The following FRY variants were observed in gnomAD, a reference collection of about 807,000 sequenced individuals.
The protein encoded by FRY is FRY microtubule binding protein, also known as protein furry homolog.
A neutral mutation model predicts 348.4 loss-of-function variants in FRY; 128 were observed. The observed-to-expected ratio is 0.37, with a 90% CI of 0.32 to 0.43. The LOEUF (loss-of-function observed/expected upper bound fraction) is 0.43. Ranked by LOEUF, FRY falls within the 20% of genes least tolerant of loss-of-function variation. The pLI is 1.00. For missense variants in FRY, 2,736 were observed against 3,695.2 expected (o/e 0.74, Z 6.73); for synonymous variants, 1,370 against 1,374.7 (o/e 1.00, Z 0.08).
intron 14 of FRY, among the ~76,000 whole-genome samples, chr13:32,152,110 C>T (rs1880830810): frequency 6.6e-6 from 1 of 152,058 alleles, no homozygotes; most frequent in African/African-American, 2.4e-5. Flanking sequence ...TCAAAGAAGA[C>T]CCAAATAGTG....
At chr13:32,232,757 C>T (rs928293916) in intron 41 of FRY, among the ~76,000 whole-genome samples, 1 of 152,176 alleles carries the variant, frequency 6.6e-6, no homozygotes, top group Non-Finnish European at 1.5e-5. Context: ...GCACACCTAA[C>T]TGCAAGGAAG....
chr13:32,221,712 C>T (rs1465163052), intron 36 of FRY, among the ~76,000 whole-genome samples: 1 of 152,170 alleles, frequency 6.6e-6, no homozygotes, highest in Non-Finnish European at 1.5e-5. Context: ...AGGGTTTCAC[C>T]ATGCTGGCCA....
intron 1 of FRY, among the ~76,000 whole-genome samples, chr13:32,033,186 T>C (rs1480916382): frequency 6.6e-6 from 1 of 152,234 alleles, no homozygotes; most frequent in East Asian, 1.9e-4. Flanking sequence ...GTCATAGCTA[T>C]AAATCATTTA....
chr13:32,120,857 T>G (rs1175315840), intron 4 of FRY, among the ~76,000 whole-genome samples: 1 of 152,230 alleles, frequency 6.6e-6, no homozygotes, highest in African/African-American at 2.4e-5. Context: ...AGACGGGGTT[T>G]CACTATGTTG....
chr13:32,194,944 C>T (rs978564383), intron 29 of FRY, among the ~76,000 whole-genome samples: 1 of 152,056 alleles, frequency 6.6e-6, no homozygotes, highest in Non-Finnish European at 1.5e-5. Context: ...GAAACCAGCT[C>T]GTTTATTTTT....
chr13:32,257,435 A>G (rs531240374), intron 51 of FRY, among the ~76,000 whole-genome samples: 1 of 152,360 alleles, frequency 6.6e-6, no homozygotes, highest in East Asian at 1.9e-4. Context: ...ACTGAGTGAT[A>G]TCTGCAAGAG....
intron 48 of FRY, among the ~76,000 whole-genome samples, chr13:32,248,204 A>G (rs1458055566): frequency 6.6e-6 from 1 of 152,246 alleles, no homozygotes; most frequent in Non-Finnish European, 1.5e-5. Context: ...AGGGCTCAGT[A>G]CAACATCTGG....
At position 32,256,536 on chromosome 13, in the gene FRY, A is replaced by T. The variant is rs1887349502; in HGVS notation, c.7416+2142A>T. Among the ~76,000 whole-genome samples the T allele has an allele frequency of 3.4e-5, 5 of 146,550 alleles. No individual in the cohort carries two copies. The South Asian group carries it at 1.1e-3, about 31-fold the overall frequency. On this transcript the variant is annotated intron_variant, in intron 51 of 60. Coordinates refer to ENST00000542859, the MANE Select transcript of FRY (RefSeq NM_023037.3). The stretch of plus-strand genomic sequence containing the variant: ...ATGACAGAGTGAGACCCTGTGTCCA[A>T]AAAAAAAAAAAAATTTAGAAGAAGA...
chr13:32,249,457 TG>T, intron 48 of FRY, 68 bp from the exon 49 acceptor site: 1 of 1,550,392 alleles, frequency 6.4e-7, no homozygotes. Context: ...TGGTTGCTTC[TG>T]GGGAGAAGGG....
Position 32,297,834 on chromosome 13 carries a change from G to A in FRY, c.*2374G>A, listed in dbSNP as rs868479006. On this transcript the variant is annotated 3_prime_UTR_variant, in exon 61 of 61. Transcript: ENST00000542859. Reference sequence around the variant, plus strand: ...AAGAAGTAGAAGTACCAAAGGAAAGGGTAGATATTTAACAGATGCCTCAGT... The same window carrying A: ...AAGAAGTAGAAGTACCAAAGGAAAGAGTAGATATTTAACAGATGCCTCAGT... 6.6e-6 allele frequency: 1 copy of A among 152,132 alleles called. No individual in the cohort carries two copies. Among genetic ancestry groups the A allele is most frequent in the African/African-American group, 2.4e-5 (1 of 41,404 alleles). 9.4% of individuals were successfully genotyped at this position (152,132 alleles called of 1,614,324 possible).
At chr13:32,202,181 T>C (rs2762036) in intron 30 of FRY, 141 bp downstream of exon 30, 313,058 of 794,762 alleles carry the variant, frequency 0.39, 64,443 homozygotes, top group Admixed American at 0.44. Context: ...AGTGAGAAAG[T>C]AACTATATAA....
At chr13:32,093,245 C>G (rs1288536779) in intron 2 of FRY, among the ~76,000 whole-genome samples, 1 of 152,120 alleles carries the variant, frequency 6.6e-6, no homozygotes, top group African/African-American at 2.4e-5. Context: ...TACAACAATC[C>G]CTTAACATCA....
At position 32,031,799 on chromosome 13, in the gene FRY, G is replaced by C. The variant is rs1872234730; in HGVS notation, c.4G>C (p.Ala2Pro). Reference protein sequence around the residue: MASQQDSGFFEI... With the variant: MPSQQDSGFFEI... ...AGCCTCTTTGTATGCCGCAGACATG[G>C]CCAGCCAGCAGGATTCGGGCTTCTT... Residue 2 changes from alanine to proline, a missense_variant, in exon 1 of 61, where the codon GCC (alanine) becomes CCC (proline). Transcript: ENST00000542859. 1 of 1,604,794 alleles carries C rather than the reference G, an allele frequency of 6.2e-7. No individual in the cohort carries two copies. The highest frequency in any genetic ancestry group is 8.5e-7 in the Non-Finnish European group (1 of 1,172,956).
At chr13:32,172,390 A>T (rs1882143186) in intron 18 of FRY, among the ~76,000 whole-genome samples, 1 of 152,220 alleles carries the variant, frequency 6.6e-6, no homozygotes, top group Non-Finnish European at 1.5e-5. Flanking sequence ...TAGGTATATA[A>T]AAGTCAGCTG....
rs541383971 is a variant in FRY, at chr13:32,182,302, T to C, written c.2997-675T>C. Reference sequence around the variant, plus strand: ...ACTGGAGATAATCAGAACAAAGATATATACTGTGATCAAGACTTACATTTT... The same window carrying C: ...ACTGGAGATAATCAGAACAAAGATACATACTGTGATCAAGACTTACATTTT... On this transcript the variant is annotated intron_variant, in intron 23 of 60. Transcript: ENST00000542859. Among the ~76,000 whole-genome samples the C allele has an allele frequency of 3.2e-4, 48 of 152,328 alleles. No individual in the cohort carries two copies. In the South Asian group the frequency reaches 8.3e-3, roughly 26 times the overall value.
intron 31 of FRY, among the ~76,000 whole-genome samples, chr13:32,207,531 T>C (rs1173881307): frequency 1.3e-5 from 2 of 152,196 alleles, no homozygotes; most frequent in African/African-American, 4.8e-5. Context: ...ACCTAGAAAA[T>C]GCCCCGTACC....
intron 31 of FRY, among the ~76,000 whole-genome samples, chr13:32,203,218 A>G (rs1013088143): frequency 1.3e-5 from 2 of 152,248 alleles, no homozygotes; most frequent in African/African-American, 4.8e-5. Flanking sequence ...TGTAATTTAT[A>G]ACACATATAA....
Position 32,202,451 on chromosome 13 carries a change from C to G in FRY, c.3942C>G (p.Leu1314=), listed in dbSNP as rs779597055. ...GAACACACGGCCCGCTGCCACCCCTCTACAGCGTGTCACTTGCCCTCTTGT... is the reference window on the plus strand; with the variant it reads ...GAACACACGGCCCGCTGCCACCCCTGTACAGCGTGTCACTTGCCCTCTTGT... ...LYGTHGPLPP[L]YSVSLALLSC... The change falls in exon 31 of 61, where the codon CTC becomes CTG. Residue 1314 remains leucine, a synonymous_variant. Transcript: ENST00000542859. The G allele has an allele frequency of 9.9e-6, 16 of 1,613,800 alleles. No individual in the cohort carries two copies. The highest frequency in any genetic ancestry group is 8.5e-7 in the Non-Finnish European group (1 of 1,179,832).
chr13:32,078,835 T>C lies in FRY; in HGVS notation c.72T>C (p.Thr24=). ...IKYLLKSWSN[T]SPVGNGYIKP... The stretch of plus-strand genomic sequence containing the variant: ...AAGAATGCCCATTCTGTTTTTCAGC[T>C]TCTCCCGTTGGCAACGGTTACATCA... The change falls in exon 2 of 61, where the codon ACT becomes ACC. Residue 24 remains threonine (T), a splice_region_variant and synonymous_variant. Coordinates refer to ENST00000542859, the MANE Select transcript of FRY (RefSeq NM_023037.3). 1 of 1,613,390 alleles carries C rather than the reference T, an allele frequency of 6.2e-7. No individual in the cohort carries two copies. Among genetic ancestry groups the C allele is most frequent in the Non-Finnish European group, 8.5e-7 (1 of 1,179,358 alleles).
Sources: gnomAD v4.1 joint callset for allele counts (sites outside exome capture counted in the v4.1 genomes callset) on GRCh38, gnomAD v4.1.1 for gene constraint, MANE v1.5 for transcripts, NCBI Gene and HGNC (gene_info 2026-07-23, HGNC 2026-07-21) for gene names.